The following TAOK3 variants were observed in gnomAD, a reference collection of about 807,000 sequenced individuals.
TAOK3 encodes the protein serine/threonine-protein kinase TAO3.
In TAOK3, 40 loss-of-function variants were observed where a neutral mutation model predicts 120.4. The observed-to-expected ratio is 0.33, with a 90% CI of 0.26 to 0.43. The LOEUF (loss-of-function observed/expected upper bound fraction) is 0.43. Among genes scored for constraint, TAOK3 ranks in the 20% least tolerant of loss-of-function variants. The probability of loss-of-function intolerance (pLI) is 1.00; values close to 1 mark genes in which losing one functional copy is unlikely to be tolerated. For missense variants in TAOK3, 821 were observed against 1,112.1 expected (o/e 0.74, Z 3.72); for synonymous variants, 355 against 387.5 (o/e 0.92, Z 0.99).
At chr12:118,274,766 C>T (rs1180484022) in intron 1 of TAOK3, among the ~76,000 whole-genome samples, 13 of 151,378 alleles carry the variant, frequency 8.6e-5, no homozygotes, top group Non-Finnish European at 1.5e-5. Context: ...GTAGCTGGGA[C>T]TACAGGCACG....
At chr12:118,317,500 T>C (rs2043520366) in intron 1 of TAOK3, among the ~76,000 whole-genome samples, 1 of 151,914 alleles carries the variant, frequency 6.6e-6, no homozygotes, top group African/African-American at 2.4e-5. Flanking sequence ...GGTTTCACCG[T>C]GTTAGCCAGG....
chr12:118,170,029 A>T (rs1024528979), intron 17 of TAOK3, among the ~76,000 whole-genome samples: 1 of 152,110 alleles, frequency 6.6e-6, no homozygotes, highest in Non-Finnish European at 1.5e-5. Flanking sequence ...CCTCTCTCGT[A>T]TCTTAGTATA....
intron 3 of TAOK3, among the ~76,000 whole-genome samples, chr12:118,251,279 C>T (rs1162920535): frequency 6.6e-6 from 1 of 152,128 alleles, no homozygotes. Context: ...GAGTAAGAAG[C>T]AACTTATATA....
At chr12:118,196,239 T>C (rs1370600019) in intron 13 of TAOK3, among the ~76,000 whole-genome samples, 1 of 152,148 alleles carries the variant, frequency 6.6e-6, no homozygotes, top group African/African-American at 2.4e-5. Context: ...TGATCTGTGG[T>C]AGAACTGTCC....
At chr12:118,208,348 G>A (rs2038443025) in intron 11 of TAOK3, among the ~76,000 whole-genome samples, 1 of 151,936 alleles carries the variant, frequency 6.6e-6, no homozygotes, top group African/African-American at 2.4e-5. Flanking sequence ...CTCACTCCTT[G>A]TAACAAATTT....
At chr12:118,180,359 G>A (rs2036635131) in intron 15 of TAOK3, among the ~76,000 whole-genome samples, 1 of 151,724 alleles carries the variant, frequency 6.6e-6, no homozygotes, top group African/African-American at 2.4e-5. Context: ...TCCTGCCTCA[G>A]CCTCCCAATT....
rs757831346 is a variant in TAOK3 at position 118,199,228 on chromosome 12, C to T, written c.1017G>A (p.Arg339=). ...GGTTGCTGCCCAGGCTGTCCATTTC[C>T]CTGTTCAGGCTGGTTCCATGTTCAC... ...EDSEHGTSLN[R]EMDSLGSNHS... The change falls in exon 13 of 21, where the codon AGG becomes AGA. Residue 339 remains arginine (R), a synonymous_variant. Transcript: ENST00000392533. 3 of 1,614,102 alleles carry T rather than the reference C, an allele frequency of 1.9e-6. No individual in the cohort carries two copies. The highest frequency in any genetic ancestry group is 1.7e-5 in the Admixed American group (1 of 60,010).
At chr12:118,327,410 A>C (rs1274654545) in intron 1 of TAOK3, among the ~76,000 whole-genome samples, 11 of 152,244 alleles carry the variant, frequency 7.2e-5, no homozygotes, top group Non-Finnish European at 1.5e-5. Flanking sequence ...AAGTTGAAAC[A>C]AGTTTGAAAC....
intron 1 of TAOK3, among the ~76,000 whole-genome samples, chr12:118,273,677 G>A (rs1300134860): frequency 1.3e-5 from 2 of 151,974 alleles, no homozygotes; most frequent in African/African-American, 2.4e-5. Flanking sequence ...TTAGCTGGGC[G>A]TGGTGGCGCA....
chr12:118,368,176 C>T (rs577909480), intron 1 of TAOK3, among the ~76,000 whole-genome samples: 1 of 152,284 alleles, frequency 6.6e-6, no homozygotes, highest in African/African-American at 2.4e-5. Flanking sequence ...AACTGTAAGG[C>T]TCCATCTTAA....
chr12:118,279,536 T>C (rs1409450480), intron 1 of TAOK3, among the ~76,000 whole-genome samples: 1 of 151,958 alleles, frequency 6.6e-6, no homozygotes, highest in Non-Finnish European at 1.5e-5. Context: ...CCAGTGTTTT[T>C]ATAGTTTTAG....
intron 1 of TAOK3, among the ~76,000 whole-genome samples, chr12:118,364,912 T>C (rs533094957): frequency 6.6e-6 from 1 of 152,262 alleles, no homozygotes; most frequent in South Asian, 2.1e-4. Context: ...TTCAAAAACA[T>C]AATAAACAGC....
intron 19 of TAOK3, among the ~76,000 whole-genome samples, chr12:118,154,514 A>G (rs1266857967): frequency 6.6e-6 from 1 of 152,170 alleles, no homozygotes; most frequent in African/African-American, 2.4e-5. Flanking sequence ...ATCTCAGCTC[A>G]CTGCAACCTC....
At chr12:118,223,068 T>TC in intron 9 of TAOK3, among the ~76,000 whole-genome samples, 1 of 105,210 alleles carries the variant, frequency 9.5e-6, no homozygotes, top group South Asian at 3.1e-4. Context: ...CTTTCTTTTT[T>TC]TTTTTTTTTT....
At chr12:118,332,975 AACAC>A (rs146893418) in intron 1 of TAOK3, among the ~76,000 whole-genome samples, 1 of 149,644 alleles carries the variant, frequency 6.7e-6, no homozygotes, top group African/African-American at 2.5e-5. Context: ...CAACAGTTTC[AACAC>A]ACACACACAC....
At chr12:118,294,957 T>C (rs1409801798) in intron 1 of TAOK3, among the ~76,000 whole-genome samples, 3 of 152,154 alleles carry the variant, frequency 2.0e-5, no homozygotes, top group African/African-American at 4.8e-5. Context: ...TTTTGATATA[T>C]TGAGGATCCA....
chr12:118,191,639 T>C (rs1257362128), intron 13 of TAOK3, among the ~76,000 whole-genome samples: 1 of 152,174 alleles, frequency 6.6e-6, no homozygotes, highest in Admixed American at 6.5e-5. Context: ...TTATTCTACA[T>C]GATTTCTCGC....
intron 19 of TAOK3, among the ~76,000 whole-genome samples, chr12:118,157,826 C>T (rs1009793765): frequency 3.3e-5 from 5 of 152,224 alleles, no homozygotes; most frequent in South Asian, 4.2e-4. Context: ...CTCCCATCCT[C>T]GGCCTAAGAA....
intron 9 of TAOK3, among the ~76,000 whole-genome samples, chr12:118,222,793 G>A (rs567421138): frequency 6.6e-6 from 1 of 152,168 alleles, no homozygotes; most frequent in South Asian, 2.1e-4. Context: ...GTAGGAGGGG[G>A]TGTGGGATAA....
Sources: gnomAD v4.1 joint callset for allele counts (sites outside exome capture counted in the v4.1 genomes callset) on GRCh38, gnomAD v4.1.1 for gene constraint, MANE v1.5 for transcripts, NCBI Gene and HGNC (gene_info 2026-07-23, HGNC 2026-07-21) for gene names.